Variants in DCUN1D4 observed in about 807,000 individuals in gnomAD.
DCUN1D4 encodes the protein defective in cullin neddylation 1 domain containing 4.
A neutral mutation model predicts 47.9 loss-of-function variants in DCUN1D4; 22 were observed. The ratio of observed to expected loss-of-function variants is 0.46; its 90% CI spans 0.33 to 0.66. DCUN1D4 has a LOEUF of 0.66. DCUN1D4 is among the 30% of genes least tolerant of loss of function. The probability of loss-of-function intolerance (pLI) is 0.02; values close to 1 mark genes in which losing one functional copy is unlikely to be tolerated. For synonymous variants in DCUN1D4, 121 were observed against 112.2 expected (o/e 1.08, Z -0.50); for missense variants, 301 against 340.8 (o/e 0.88, Z 0.92).
chr4:51,913,237 C>A (rs1733964222), intron 9 of DCUN1D4, 53 bp from the exon 10 acceptor site: 2 of 1,127,360 alleles, frequency 1.8e-6, no homozygotes, highest in Non-Finnish European at 2.6e-6. Context: ...TTGAAACCGT[C>A]CCATTTGTTC....
At chr4:51,902,122 A>T (rs1382751240) in intron 8 of DCUN1D4, among the ~76,000 whole-genome samples, 1 of 152,164 alleles carries the variant, frequency 6.6e-6, no homozygotes, top group Non-Finnish European at 1.5e-5. Flanking sequence ...TATTATTGAT[A>T]GTTTAATTCT....
chr4:51,887,395 C>T lies in DCUN1D4; in HGVS notation c.414+757C>T, dbSNP rs368063796. 5.9e-5 allele frequency among the ~76,000 whole-genome samples: 9 copies of T among 152,168 alleles called. No homozygotes were observed. In the East Asian group the frequency reaches 9.7e-4, roughly 16 times the overall value. On this transcript the variant is annotated intron_variant, in intron 6 of 10. Transcript: ENST00000334635. ...GATTATAGGCGTGAGCCACAGCACC[C>T]GGCCATGATTGCTTTTTATAATGTA...
chr4:51,893,054 G>A (rs548832226), intron 7 of DCUN1D4, among the ~76,000 whole-genome samples: 16 of 152,292 alleles, frequency 1.1e-4, no homozygotes, highest in African/African-American at 2.6e-4. Flanking sequence ...TAGCTACTTT[G>A]TGAAGAAGAC....
At chr4:51,905,186 T>TAAA in intron 8 of DCUN1D4, 1 of 454,776 alleles carries the variant, frequency 2.2e-6, no homozygotes, top group Non-Finnish European at 4.4e-6. Flanking sequence ...AACTTATTTA[T>TAAA]AGTTCTATAT....
intron 8 of DCUN1D4, among the ~76,000 whole-genome samples, chr4:51,904,252 C>G (rs894956583): frequency 1.3e-5 from 2 of 152,086 alleles, no homozygotes; most frequent in Non-Finnish European, 2.9e-5. Flanking sequence ...GAGGATTCTA[C>G]CCAATGCCTT....
chr4:51,911,287 G>A (rs928044978), intron 9 of DCUN1D4, 113 bp downstream of exon 9: 7 of 898,352 alleles, frequency 7.8e-6, no homozygotes, highest in African/African-American at 1.7e-5. Context: ...GCCTATGTAG[G>A]AATTACGGTG....
At chr4:51,866,773 C>T (rs1394061774) in intron 3 of DCUN1D4, among the ~76,000 whole-genome samples, 1 of 152,214 alleles carries the variant, frequency 6.6e-6, no homozygotes, top group African/African-American at 2.4e-5. Flanking sequence ...TATACTTGGA[C>T]TCATGCCTCC....
chr4:51,881,982 A>G (rs1728716382), intron 5 of DCUN1D4, among the ~76,000 whole-genome samples: 1 of 152,172 alleles, frequency 6.6e-6, no homozygotes, highest in Non-Finnish European at 1.5e-5. Flanking sequence ...AGCCTGGGCA[A>G]TATAGTGAGA....
chr4:51,851,172 A>AT (rs1723303948), intron 1 of DCUN1D4, among the ~76,000 whole-genome samples: 1 of 152,060 alleles, frequency 6.6e-6, no homozygotes, highest in African/African-American at 2.4e-5. Context: ...ATTCAAGGGG[A>AT]TTTTTGCTGC....
At chr4:51,844,241 G>T (rs1250716773) in intron 1 of DCUN1D4, 1 of 792,594 alleles carries the variant, frequency 1.3e-6, no homozygotes, top group Admixed American at 6.3e-5. Context: ...GTGCTTAGGG[G>T]AGGTACTTCC....
At chr4:51,844,591 C>T (rs369475556) in intron 1 of DCUN1D4, among the ~76,000 whole-genome samples, 3 of 151,816 alleles carry the variant, frequency 2.0e-5, no homozygotes, top group Admixed American at 1.3e-4. Flanking sequence ...TAATTTCTGG[C>T]TATCAGGTGT....
At chr4:51,902,174 T>A (rs1732216545) in intron 8 of DCUN1D4, among the ~76,000 whole-genome samples, 2 of 152,232 alleles carry the variant, frequency 1.3e-5, no homozygotes, top group South Asian at 4.1e-4. Context: ...TTTATCTATT[T>A]GATTTATGGT....
chr4:51,888,831 G>C (rs961390020), intron 6 of DCUN1D4, among the ~76,000 whole-genome samples: 2 of 152,088 alleles, frequency 1.3e-5, no homozygotes, highest in Non-Finnish European at 1.5e-5. Flanking sequence ...TGTAGGCCAG[G>C]CGTGGTGGCT....
At chr4:51,899,110 C>A (rs776004595) in intron 7 of DCUN1D4, among the ~76,000 whole-genome samples, 160 bp from the exon 8 acceptor site, 90 of 152,056 alleles carry the variant, frequency 5.9e-4, no homozygotes, top group Non-Finnish European at 1.0e-3. Context: ...CTTTTCTGTA[C>A]ATTTAAAATT....
chr4:51,914,331 T>C lies in DCUN1D4; in HGVS notation c.*747T>C, dbSNP rs1324235217. 3.3e-5 allele frequency: 5 copies of C among 152,172 alleles called. No individual in the cohort carries two copies. Among genetic ancestry groups the C allele is most frequent in the Admixed American group, 6.5e-5 (1 of 15,268 alleles). 9.4% of individuals were successfully genotyped at this position (152,172 alleles called of 1,614,324 possible). A position where few individuals can be genotyped will look rare whatever the true frequency, so the allele number is the denominator to read the frequency against. On this transcript the variant is annotated 3_prime_UTR_variant, in exon 11 of 11. Coordinates refer to ENST00000334635, the MANE Select transcript of DCUN1D4 (RefSeq NM_001040402.3). ...TAAAAGAATGGGATTTAAACTCTTA[T>C]AAACATTCTTTAACTTTTTTGTTTG...
chr4:51,866,480 T>C (rs779806331), intron 3 of DCUN1D4, among the ~76,000 whole-genome samples: 3 of 152,182 alleles, frequency 2.0e-5, no homozygotes, highest in Non-Finnish European at 4.4e-5. Flanking sequence ...CTTGAGATCT[T>C]TTCATATTAA....
the DCUN1D4 span, among the ~76,000 whole-genome samples, chr4:51,837,375 A>G: frequency 4.3e-3 from 654 of 152,342 alleles, 4 homozygotes; most frequent in Middle Eastern, 6.8e-3. Flanking sequence ...GTGATGTGTT[A>G]AGAAATCTTA....
chr4:51,913,228 T>G lies in DCUN1D4; in HGVS notation c.721-62T>G. 6 of 1,065,842 alleles carry G rather than the reference T, an allele frequency of 5.6e-6. No individual in the cohort carries two copies. In the South Asian group the frequency reaches 9.2e-5, roughly 16 times the overall value. The allele number at this position is 1,065,842 out of a possible 1,614,324, so 66.0% of individuals were successfully genotyped here. ...TAATTAAGTTGATTCATAAAGCAAT[T>G]GAAACCGTCCCATTTGTTCATTTTA... On this transcript the variant is annotated intron_variant, in intron 9 of 10. Coordinates refer to ENST00000334635, the MANE Select transcript of DCUN1D4 (RefSeq NM_001040402.3).
intron 1 of DCUN1D4, among the ~76,000 whole-genome samples, chr4:51,858,065 G>A (rs1724422144): frequency 6.6e-6 from 1 of 152,182 alleles, no homozygotes; most frequent in Non-Finnish European, 1.5e-5. Flanking sequence ...ATGGTAAGAT[G>A]ATAGAGTGAA....
Sources: gnomAD v4.1 joint callset for allele counts (sites outside exome capture counted in the v4.1 genomes callset) on GRCh38, gnomAD v4.1.1 for gene constraint, MANE v1.5 for transcripts, NCBI Gene and HGNC (gene_info 2026-07-23, HGNC 2026-07-21) for gene names.